Variants in PCDH9 observed in about 807,000 individuals in gnomAD.
The protein encoded by PCDH9 is protocadherin 9, also known as protocadherin-9.
In PCDH9, 24 loss-of-function variants were observed where a neutral mutation model predicts 70.6. The ratio of observed to expected loss-of-function variants is 0.34; its 90% CI spans 0.25 to 0.48. The LOEUF (loss-of-function observed/expected upper bound fraction) is 0.48, where lower values mean the gene tolerates loss of function less well. Ranked by LOEUF, PCDH9 falls within the 20% of genes least tolerant of loss-of-function variation. The pLI, the probability that PCDH9 is intolerant of heterozygous loss-of-function variation, is 0.99. For synonymous variants in PCDH9, 562 were observed against 558.5 expected (o/e 1.01, Z -0.09); for missense variants, 1,281 against 1,503.6 (o/e 0.85, Z 2.45).
intron 3 of PCDH9, among the ~76,000 whole-genome samples, chr13:66,724,673 A>G (rs560332785): frequency 1.3e-5 from 2 of 152,110 alleles, no homozygotes; most frequent in African/African-American, 4.8e-5. Context: ...CACCTTTCCA[A>G]CTCCAGACCA....
In PCDH9 at chr13:66,686,845, T is replaced by C. The variant is rs565844320; in HGVS notation, c.3139-55434A>G. Among the ~76,000 whole-genome samples, 7 of 152,258 alleles carry C rather than the reference T, an allele frequency of 4.6e-5. No homozygotes were observed. In the South Asian group the frequency reaches 6.2e-4, roughly 14 times the overall value. On this transcript the variant is annotated intron_variant, in intron 3 of 4. Transcript: ENST00000377865. ...GCACAGGACTAGAAAAATAAACATATAGGGCTTAGAAAAATTCTCAAAAAT... is the reference window on the plus strand; with the variant it reads ...GCACAGGACTAGAAAAATAAACATACAGGGCTTAGAAAAATTCTCAAAAAT...
chr13:67,134,562 C>T lies in PCDH9; in HGVS notation c.3036+90843G>A, dbSNP rs557874688. Among the ~76,000 whole-genome samples, 5 of 152,180 alleles carry T rather than the reference C, an allele frequency of 3.3e-5. No homozygotes were observed. The South Asian group carries it at 6.2e-4, about 19-fold the overall frequency. ...CTTGCTGCCTTTTCCTCTACCCATA[C>T]GCATTCTTCTTCATTTAAAAGCTTG... On this transcript the variant is annotated intron_variant, in intron 2 of 4. Transcript: ENST00000377865.
intron 4 of PCDH9, among the ~76,000 whole-genome samples, chr13:66,595,713 AT>A (rs1472737872): frequency 1.3e-5 from 2 of 151,696 alleles, no homozygotes; most frequent in Non-Finnish European, 3.0e-5. Context: ...TAACTTTTTT[AT>A]TAGTAGTGGA....
intron 4 of PCDH9, among the ~76,000 whole-genome samples, chr13:66,610,316 T>G (rs1400639598): frequency 6.6e-6 from 1 of 151,998 alleles, no homozygotes; most frequent in East Asian, 1.9e-4. Context: ...GCATTTAGAC[T>G]TCACAGCCTA....
At chr13:66,794,844 A>C (rs1293187684) in intron 3 of PCDH9, among the ~76,000 whole-genome samples, 3 of 152,216 alleles carry the variant, frequency 2.0e-5, no homozygotes, top group Non-Finnish European at 2.9e-5. Flanking sequence ...CAGTTCACTG[A>C]AACACTCATG....
intron 4 of PCDH9, among the ~76,000 whole-genome samples, chr13:66,420,086 G>A (rs989682061): frequency 1.3e-5 from 2 of 152,096 alleles, no homozygotes; most frequent in African/African-American, 4.8e-5. Flanking sequence ...GCCCACCACG[G>A]TGCCACAAAG....
chr13:66,421,359 G>T (rs564926219), intron 4 of PCDH9, among the ~76,000 whole-genome samples: 1 of 151,980 alleles, frequency 6.6e-6, no homozygotes, highest in South Asian at 2.1e-4. Context: ...AAGAGCAACC[G>T]CAAGACACAT....
chr13:66,989,789 A>G (rs1355432268), intron 2 of PCDH9, among the ~76,000 whole-genome samples: 4 of 151,916 alleles, frequency 2.6e-5, no homozygotes, highest in African/African-American at 9.7e-5. Flanking sequence ...CTCAGAGAAT[A>G]TTAAAGAACA....
intron 3 of PCDH9, among the ~76,000 whole-genome samples, chr13:66,778,908 C>T (rs1264296699): frequency 6.6e-6 from 1 of 152,156 alleles, no homozygotes; most frequent in African/African-American, 2.4e-5. Flanking sequence ...GGTTGTTGCT[C>T]TCTACTTTCT....
In PCDH9 at chr13:67,089,446, T is replaced by C. The variant is rs2086173082; in HGVS notation, c.3036+135959A>G. 2.0e-5 allele frequency among the ~76,000 whole-genome samples: 3 copies of C among 152,030 alleles called. No individual in the cohort carries two copies. In the South Asian group the frequency reaches 6.2e-4, roughly 31 times the overall value. On this transcript the variant is annotated intron_variant, in intron 2 of 4. Transcript: ENST00000377865. ...ATCCAAAGGCTACAGACAAGTTTCATTCAATTCATTCTTATTGGACATGTA... is the reference window on the plus strand; with the variant it reads ...ATCCAAAGGCTACAGACAAGTTTCACTCAATTCATTCTTATTGGACATGTA...
chr13:66,852,883 C>CA (rs2081337051), intron 3 of PCDH9, among the ~76,000 whole-genome samples: 1 of 151,940 alleles, frequency 6.6e-6, no homozygotes, highest in Non-Finnish European at 1.5e-5. Flanking sequence ...AGGTGACATC[C>CA]ACATATCTAT....
At position 66,405,933 on chromosome 13, in the gene PCDH9, G is replaced by GA. The variant is rs397703765; in HGVS notation, c.3341-100906dup. On this transcript the variant is annotated intron_variant, in intron 4 of 4. Coordinates refer to ENST00000377865, the MANE Select transcript of PCDH9 (RefSeq NM_203487.3). ...TTACATGGAGACATTATGTATAAGG[G>GA]ACTGATTGGGAATGGAATGAGTCAG... is the stretch of plus-strand genomic sequence containing the variant. Among the ~76,000 whole-genome samples the GA allele has an allele frequency of 2.0e-5, 3 of 151,436 alleles. No individual in the cohort carries two copies. The East Asian group carries it at 5.9e-4, about 30-fold the overall frequency.
chr13:66,848,512 A>G (rs1278315063), intron 3 of PCDH9, among the ~76,000 whole-genome samples: 1 of 152,362 alleles, frequency 6.6e-6, no homozygotes, highest in African/African-American at 2.4e-5. Context: ...GTATTAATAA[A>G]TATCCACACT....
intron 2 of PCDH9, among the ~76,000 whole-genome samples, chr13:66,958,922 G>A (rs1415624800): frequency 6.6e-6 from 1 of 152,026 alleles, no homozygotes; most frequent in African/African-American, 2.4e-5. Flanking sequence ...CATCTTATTG[G>A]TCTGACTGTA....
At chr13:67,127,660 T>A (rs201188868) in intron 2 of PCDH9, among the ~76,000 whole-genome samples, 1 of 134,164 alleles carries the variant, frequency 7.5e-6, no homozygotes, top group Non-Finnish European at 1.6e-5. Context: ...AAGACTTTTT[T>A]ATCATATATA....
intron 4 of PCDH9, among the ~76,000 whole-genome samples, chr13:66,583,659 T>C (rs967708085): frequency 6.6e-6 from 1 of 152,124 alleles, no homozygotes; most frequent in African/African-American, 2.4e-5. Context: ...TTGTTATTTC[T>C]TGTTCTATTT....
intron 4 of PCDH9, among the ~76,000 whole-genome samples, chr13:66,437,179 G>A (rs948859291): frequency 3.3e-5 from 5 of 151,460 alleles, no homozygotes; most frequent in African/African-American, 1.2e-4. Flanking sequence ...AGGCCGAGAT[G>A]GGCAGATCAC....
At chr13:66,676,370 C>A (rs2078242683) in intron 3 of PCDH9, among the ~76,000 whole-genome samples, 1 of 151,162 alleles carries the variant, frequency 6.6e-6, no homozygotes, top group African/African-American at 2.4e-5. Flanking sequence ...TAACAAAATT[C>A]TATTCCATAG....
chr13:67,032,847 T>C (rs1216336369), intron 2 of PCDH9, among the ~76,000 whole-genome samples: 1 of 152,214 alleles, frequency 6.6e-6, no homozygotes, highest in Non-Finnish European at 1.5e-5. Flanking sequence ...CAGCAACTGC[T>C]GTGTTTTGAA....
Sources: allele counts gnomAD v4.1 joint callset (sites outside exome capture counted in the v4.1 genomes callset), GRCh38; gene constraint gnomAD v4.1.1; transcripts MANE v1.5; gene names NCBI Gene and HGNC (gene_info 2026-07-23, HGNC 2026-07-21).